Variants in AVEN observed in about 807,000 individuals in gnomAD.
AVEN encodes the protein apoptosis and caspase activation inhibitor.
In AVEN, 41 loss-of-function variants were observed where a neutral mutation model predicts 38.1. The observed-to-expected ratio is 1.08, with a 90% CI of 0.84 to 1.40. The LOEUF (loss-of-function observed/expected upper bound fraction) is 1.40. Among genes scored for constraint, AVEN ranks in the 40% most tolerant of loss-of-function variants. AVEN has a pLI of 0.00. For synonymous variants in AVEN, 206 were observed against 171.8 expected (o/e 1.20, Z -1.56); for missense variants, 605 against 438.8 (o/e 1.38, Z -3.38).
In AVEN at chr15:34,063,188, C is replaced by T; in HGVS notation, n.1371G>A. 6.2e-7 allele frequency: 1 copy of T among 1,614,192 alleles called. No homozygotes were observed. Among genetic ancestry groups the T allele is most frequent in the Non-Finnish European group, 8.5e-7 (1 of 1,180,034 alleles). The stretch of plus-strand genomic sequence containing the variant: ...TCATGATTGGCTTGGCCTGGCTGAT[C>T]TCCTTCATCCTCTGGGCCCCAGCAA... On this transcript the variant is annotated non_coding_transcript_exon_variant, in exon 5 of 12. Coordinates refer to the AVEN transcript ENST00000675287. This position sits in a 1 kb window ranked among gnomAD's most constrained non-coding sequence, Gnocchi z 4.1.
At chr15:34,044,961 T>C (rs1002739867) in intron 5 of AVEN, among the ~76,000 whole-genome samples, 2 of 152,118 alleles carry the variant, frequency 1.3e-5, no homozygotes, top group African/African-American at 4.8e-5. Flanking sequence ...GGCAGGAGAA[T>C]GGCATGAACC....
At chr15:33,989,567 C>T (rs1347416251) in intron 2 of AVEN, among the ~76,000 whole-genome samples, 1 of 152,108 alleles carries the variant, frequency 6.6e-6, no homozygotes, top group Non-Finnish European at 1.5e-5. Context: ...AGGCACACTA[C>T]TGAAAAGATG....
rs1381925149 is a variant in AVEN, at chr15:34,063,868, T to G, written n.1127-436A>C. The G allele has an allele frequency of 6.2e-7, 1 of 1,614,042 alleles. No individual in the cohort carries two copies. The highest frequency in any genetic ancestry group is 1.3e-5 in the African/African-American group (1 of 74,978). The stretch of plus-strand genomic sequence containing the variant: ...TGTGTGGCCTATAAGTTCCGATTGG[T>G]GGTAAAAGCTGACGGGAACCAGGAG... On this transcript the variant is annotated intron_variant and non_coding_transcript_variant, in intron 4 of 11. Coordinates refer to the AVEN transcript ENST00000675287. The surrounding 1 kb of genome is among the most constrained non-coding windows in gnomAD (Gnocchi z 4.1).
chr15:33,981,099 A>G (rs527103), intron 2 of AVEN, among the ~76,000 whole-genome samples: 115,156 of 152,030 alleles, frequency 0.76, 48,654 homozygotes, highest in Non-Finnish European at 0.95. Context: ...CCAGTTTTGG[A>G]CAGCAACCCC....
chr15:33,865,090 T>C (rs1890031260), downstream of AVEN: 8 of 1,510,636 alleles, frequency 5.3e-6, no homozygotes, highest in Non-Finnish European at 6.4e-6. Context: ...TAGCTTTTAC[T>C]GTGGTTTAAA....
At chr15:34,067,061 C>T (rs774144298) in intron 2 of AVEN, 5 of 152,128 alleles carry the variant, frequency 3.3e-5, no homozygotes, top group Non-Finnish European at 7.3e-5. Context: ...GATCTTAGGC[C>T]TTCTATGCCC....
downstream of AVEN, among the ~76,000 whole-genome samples, chr15:33,863,254 C>A (rs117983049): frequency 0.032 from 4,933 of 152,270 alleles, 159 homozygotes; most frequent in Non-Finnish European, 0.039. Flanking sequence ...ATGATGTCCT[C>A]AGCCCCTACG....
intron 2 of AVEN, among the ~76,000 whole-genome samples, chr15:33,971,205 A>C (rs1018140274): frequency 6.6e-6 from 1 of 152,052 alleles, no homozygotes; most frequent in Non-Finnish European, 1.5e-5. Context: ...TTAACAATTA[A>C]AGAGATTCTG....
chr15:33,919,875 A>G (rs181767680), intron 2 of AVEN, among the ~76,000 whole-genome samples: 22 of 152,332 alleles, frequency 1.4e-4, no homozygotes, highest in East Asian at 9.6e-4. Flanking sequence ...ATGAATGTAG[A>G]TAAGTATCAC....
intron 2 of AVEN, among the ~76,000 whole-genome samples, chr15:33,920,473 T>C (rs910642059): frequency 2.6e-5 from 4 of 152,206 alleles, no homozygotes; most frequent in Admixed American, 6.5e-5. Flanking sequence ...ATCCCACTAC[T>C]TGTTGTCAAT....
intron 2 of AVEN, among the ~76,000 whole-genome samples, chr15:33,937,158 A>C (rs1202652876): frequency 1.3e-5 from 2 of 149,880 alleles, no homozygotes; most frequent in Non-Finnish European, 3.0e-5. Context: ...AAGACCAAAA[A>C]CAGACACTCT....
intron 2 of AVEN, among the ~76,000 whole-genome samples, chr15:33,957,362 A>C (rs953950662): frequency 1.3e-5 from 2 of 152,186 alleles, no homozygotes; most frequent in Admixed American, 6.5e-5. Flanking sequence ...AATGTCTAGG[A>C]TCTTCACTAG....
chr15:33,927,219 C>T (rs945694835), intron 2 of AVEN, among the ~76,000 whole-genome samples: 1 of 151,754 alleles, frequency 6.6e-6, no homozygotes, highest in African/African-American at 2.4e-5. Flanking sequence ...CATGCCACTG[C>T]ACTCCAGCCT....
chr15:33,933,559 AGAGAGAGAGAGAGAGAGAGAG>A (rs1893953221), intron 2 of AVEN, among the ~76,000 whole-genome samples: 1 of 148,234 alleles, frequency 6.7e-6, no homozygotes, highest in African/African-American at 2.5e-5. Context: ...AGAGAGAGAG[AGAGAGAGAGAGAGAGAGAGAG>A]AACTGAGGCA....
chr15:33,964,535 G>A (rs969710469), intron 2 of AVEN, among the ~76,000 whole-genome samples: 4 of 152,132 alleles, frequency 2.6e-5, no homozygotes, highest in Non-Finnish European at 2.9e-5. Context: ...CGTTTTACCC[G>A]AATGTAATAC....
intron 2 of AVEN, among the ~76,000 whole-genome samples, chr15:34,068,338 T>G (rs1262156423): frequency 6.6e-6 from 1 of 151,840 alleles, no homozygotes; most frequent in African/African-American, 2.4e-5. Flanking sequence ...CCCAAGTAGC[T>G]GGGATTACAG....
At chr15:33,942,089 T>C (rs370871317) in intron 2 of AVEN, among the ~76,000 whole-genome samples, 1 of 152,348 alleles carries the variant, frequency 6.6e-6, no homozygotes, top group East Asian at 1.9e-4. Flanking sequence ...GAAGACTTAC[T>C]GTCAAATCTC....
chr15:33,882,809 C>T (rs1891546249), intron 2 of AVEN, among the ~76,000 whole-genome samples: 1 of 152,076 alleles, frequency 6.6e-6, no homozygotes, highest in South Asian at 2.1e-4. Flanking sequence ...GAGTTTGAGG[C>T]TGCAGTGGAG....
rs559019904 is a variant in AVEN, at chr15:33,971,790, G to A, written c.445+31242C>T. ...GGCATTTCAACTAGCCAATATATTT[G>A]TTCCTTATTATGGTTAATTTTCCTT... On this transcript the variant is annotated intron_variant, in intron 2 of 5. Transcript: ENST00000306730. Among the ~76,000 whole-genome samples, 10 of 151,938 alleles carry A rather than the reference G, an allele frequency of 6.6e-5. 1 individual carries two copies. Among genetic ancestry groups the A allele is most frequent in the African/African-American group, 1.9e-4 (8 of 41,488 alleles).
Sources: gnomAD v4.1 joint callset for allele counts (sites outside exome capture counted in the v4.1 genomes callset) on GRCh38, gnomAD v4.1.1 for gene constraint, Gnocchi (gnomAD v3.1) non-coding constraint, MANE v1.5 for transcripts, NCBI Gene and HGNC (gene_info 2026-07-23, HGNC 2026-07-21) for gene names.